Variants in HADHB observed in about 807,000 individuals in gnomAD.
The protein encoded by HADHB is trifunctional enzyme subunit beta, mitochondrial.
Under a neutral mutation model 61.9 loss-of-function variants are expected in HADHB, and 50 were observed. That is an observed-to-expected ratio of 0.81 (90% CI 0.64 to 1.02). The LOEUF (loss-of-function observed/expected upper bound fraction) is 1.02. Among genes scored for constraint, HADHB ranks in the 50% least tolerant of loss-of-function variants. The probability of loss-of-function intolerance (pLI) is 0.00; values close to 1 mark genes in which losing one functional copy is unlikely to be tolerated. For synonymous variants in HADHB, 191 were observed against 201.6 expected, an observed-to-expected ratio of 0.95 and a Z score of 0.45; for missense variants, 504 against 586.5, an observed-to-expected ratio of 0.86 and a Z score of 1.45.
At chr2:26,275,930 T>C (rs933229778) in intron 6 of HADHB, among the ~76,000 whole-genome samples, 9 of 152,220 alleles carry the variant, frequency 5.9e-5, no homozygotes. Context: ...GGATAATTAA[T>C]AGTTTCAGGG....
intron 3 of HADHB, among the ~76,000 whole-genome samples, chr2:26,259,086 T>G (rs1671757360): frequency 6.6e-6 from 1 of 152,208 alleles, no homozygotes; most frequent in African/African-American, 2.4e-5. Context: ...GAAAATCCCC[T>G]CGAACTTGGA....
chr2:26,261,796 C>CT (rs1295821822), intron 3 of HADHB, among the ~76,000 whole-genome samples: 8 of 151,980 alleles, frequency 5.3e-5, no homozygotes, highest in East Asian at 1.9e-4. Context: ...ATTAAGTCCC[C>CT]TTTTTTTTCC....
chr2:26,288,714 A>T (rs1673144051), intron 15 of HADHB, among the ~76,000 whole-genome samples: 1 of 152,084 alleles, frequency 6.6e-6, no homozygotes, highest in South Asian at 2.1e-4. Context: ...GTTTCAAAAA[A>T]AACAGAAAAA....
chr2:26,273,515 A>G (rs1672428686), intron 5 of HADHB, 136 bp from the exon 6 acceptor site: 4 of 674,260 alleles, frequency 5.9e-6, no homozygotes, highest in South Asian at 4.8e-5. Context: ...TGCTTGTCAA[A>G]TTAAAGAAAA....
At chr2:26,267,860 C>T (rs1394515233) in intron 4 of HADHB, among the ~76,000 whole-genome samples, 1 of 151,378 alleles carries the variant, frequency 6.6e-6, no homozygotes, top group Non-Finnish European at 1.5e-5. Flanking sequence ...TATAGGAGGA[C>T]TGTGTACAGT....
At chr2:26,266,708 T>C (rs35709279) in intron 4 of HADHB, among the ~76,000 whole-genome samples, 30,538 of 150,764 alleles carry the variant, frequency 0.2, 3,150 homozygotes, top group Middle Eastern at 0.26. Context: ...GGCGAGACCC[T>C]ATCTCTACTA....
intron 6 of HADHB, among the ~76,000 whole-genome samples, chr2:26,274,189 G>A (rs1390676141): frequency 6.6e-6 from 1 of 152,188 alleles, no homozygotes; most frequent in African/African-American, 2.4e-5. Flanking sequence ...TCAACTAGAT[G>A]GCACGTAAGG....
At chr2:26,255,926 C>T (rs1671590701) in intron 3 of HADHB, among the ~76,000 whole-genome samples, 1 of 152,312 alleles carries the variant, frequency 6.6e-6, no homozygotes, top group South Asian at 2.1e-4. Context: ...CAGGTCTTTG[C>T]TTTGCAAAGT....
intron 15 of HADHB, among the ~76,000 whole-genome samples, chr2:26,286,892 A>C (rs1673058176): frequency 6.6e-6 from 1 of 151,604 alleles, no homozygotes; most frequent in Non-Finnish European, 1.5e-5. Flanking sequence ...GTTCCTGATC[A>C]AAATGAATAA....
chr2:26,266,406 A>C (rs773517772), intron 4 of HADHB, among the ~76,000 whole-genome samples: 1 of 152,192 alleles, frequency 6.6e-6, no homozygotes, highest in Non-Finnish European at 1.5e-5. Flanking sequence ...AAGTGGAAAA[A>C]GTCTTTTTCT....
chr2:26,283,076 A>T, intron 12 of HADHB, 25 bp downstream of exon 12: 1 of 1,474,394 alleles, frequency 6.8e-7, no homozygotes, highest in Non-Finnish European at 9.5e-7. Context: ...GTATCCTTGG[A>T]CTATAATCAC....
chr2:26,251,137 T>C (rs1671383393), intron 1 of HADHB, among the ~76,000 whole-genome samples: 1 of 150,578 alleles, frequency 6.6e-6, no homozygotes, highest in Admixed American at 6.7e-5. Flanking sequence ...GTGTCGTTTA[T>C]TCCTGTGCTA....
intron 3 of HADHB, among the ~76,000 whole-genome samples, chr2:26,256,479 TTGAC>T (rs886576054): frequency 1.3e-5 from 2 of 152,140 alleles, no homozygotes. Context: ...GATGGAAATT[TTGAC>T]TGATTTGATG....
At chr2:26,278,970 G>A (rs1237256160) in intron 8 of HADHB, among the ~76,000 whole-genome samples, 165 bp from the exon 9 acceptor site, 1 of 152,170 alleles carries the variant, frequency 6.6e-6, no homozygotes, top group Non-Finnish European at 1.5e-5. Flanking sequence ...TAATTTGTGA[G>A]CCCTCTTTAG....
chr2:26,255,342 A>G (rs1018611720), intron 3 of HADHB, among the ~76,000 whole-genome samples: 1 of 152,092 alleles, frequency 6.6e-6, no homozygotes. Flanking sequence ...TCTACTAAAA[A>G]TACAAAAATT....
At chr2:26,258,041 C>G (rs1227377864) in intron 3 of HADHB, among the ~76,000 whole-genome samples, 2 of 152,012 alleles carry the variant, frequency 1.3e-5, no homozygotes, top group African/African-American at 4.8e-5. Flanking sequence ...TTTCTTCCAA[C>G]TTGTTCCCAG....
At chr2:26,269,509 A>G (rs865960321) in intron 4 of HADHB, among the ~76,000 whole-genome samples, 1 of 152,134 alleles carries the variant, frequency 6.6e-6, no homozygotes, top group Non-Finnish European at 1.5e-5. Flanking sequence ...CCTCTTTCCA[A>G]TTCTTTGGTA....
chr2:26,245,049 C>T (rs952072020), intron 1 of HADHB, 59 bp downstream of exon 1: 16 of 211,814 alleles, frequency 7.6e-5, no homozygotes, highest in Admixed American at 1.0e-4. Flanking sequence ...GATTCCACTT[C>T]CTTCCCCGCA....
chr2:26,272,078 T>C (rs1299604614), intron 5 of HADHB, among the ~76,000 whole-genome samples: 3 of 152,154 alleles, frequency 2.0e-5, no homozygotes, highest in Non-Finnish European at 2.9e-5. Flanking sequence ...TTTTAATTGA[T>C]AAAAAACTAC....
Sources: allele counts gnomAD v4.1 joint callset (sites outside exome capture counted in the v4.1 genomes callset), GRCh38; gene constraint gnomAD v4.1.1; transcripts MANE v1.5; gene names NCBI Gene and HGNC (gene_info 2026-07-23, HGNC 2026-07-21).